The following IFT80 variants were observed in gnomAD, a reference collection of about 807,000 sequenced individuals.
IFT80 encodes intraflagellar transport 80, also known as intraflagellar transport protein 80 homolog.
Under a neutral mutation model 107.9 loss-of-function variants are expected in IFT80, and 79 were observed. That is an observed-to-expected ratio of 0.73 (90% CI 0.61 to 0.88). The LOEUF is 0.88. IFT80 is among the 40% of genes least tolerant of loss of function. The pLI is 0.00. For synonymous variants in IFT80, 299 were observed against 300.9 expected, an observed-to-expected ratio of 0.99 and a Z score of 0.07; for missense variants, 797 against 914.2, an observed-to-expected ratio of 0.87 and a Z score of 1.65.
In IFT80 at chr3:160,282,590, C is replaced by A; in HGVS notation, c.1404G>T (p.Leu468=). The A allele has an allele frequency of 6.3e-7, 1 of 1,588,026 alleles. No individual in the cohort carries two copies. The highest frequency in any genetic ancestry group is 1.1e-5 in the South Asian group (1 of 88,384). The part of the protein sequence containing the change: ...SHKNEILEIA[L]DQKGLTNDRK... The stretch of plus-strand genomic sequence containing the variant: ...TATCATTGGTAAGTCCTTTTTGATC[C>A]AGAGCAATTTCCAAGATTTCATTCT... The change falls in exon 14 of 20, where the codon CTG becomes CTT. Residue 468 remains leucine (L), a synonymous_variant. Transcript: ENST00000326448.
chr3:160,315,594 C>T (rs1161183214), intron 9 of IFT80, among the ~76,000 whole-genome samples: 2 of 152,076 alleles, frequency 1.3e-5, no homozygotes, highest in Non-Finnish European at 2.9e-5. Context: ...TTTTATTTTC[C>T]TTTCACACTC....
rs185785688 is a variant in IFT80, at chr3:160,387,281, G to T, written c.-46-2635C>A. 3.3e-3 allele frequency among the ~76,000 whole-genome samples: 504 copies of T among 152,278 alleles called. 5 individuals are homozygous for T. Among genetic ancestry groups the T allele is most frequent in the African/African-American group, 0.012 (490 of 41,560 alleles). On this transcript the variant is annotated intron_variant, in intron 1 of 19. Coordinates refer to ENST00000326448, the MANE Select transcript of IFT80 (RefSeq NM_020800.3). ...AGCACTTTGGGAGGCCGAGGCAGGCGGATCACGAGGTGAGGAGTTCGAGAC... is the reference window on the plus strand; with the variant it reads ...AGCACTTTGGGAGGCCGAGGCAGGCTGATCACGAGGTGAGGAGTTCGAGAC...
chr3:160,359,970 G>A (rs577025414), intron 6 of IFT80, among the ~76,000 whole-genome samples: 11 of 152,276 alleles, frequency 7.2e-5, no homozygotes, highest in South Asian at 4.1e-4. Flanking sequence ...GCAGCTCCTC[G>A]CCAGCAATGG....
intron 9 of IFT80, among the ~76,000 whole-genome samples, chr3:160,309,515 G>A (rs1717073828): frequency 1.3e-5 from 2 of 152,056 alleles, no homozygotes; most frequent in Admixed American, 1.3e-4. Flanking sequence ...GTGAAACCCT[G>A]TCTCTACTAA....
At chr3:160,289,693 G>C (rs1715381229) in intron 12 of IFT80, among the ~76,000 whole-genome samples, 1 of 152,172 alleles carries the variant, frequency 6.6e-6, no homozygotes, top group Admixed American at 6.5e-5. Context: ...TTGGAAAGCA[G>C]AAAGGCAAAG....
intron 12 of IFT80, among the ~76,000 whole-genome samples, chr3:160,295,524 T>C (rs901707700): frequency 8.5e-5 from 13 of 152,074 alleles, no homozygotes; most frequent in African/African-American, 2.9e-4. Context: ...GGAGGATCAC[T>C]TGAGCCCACG....
chr3:160,392,989 T>C lies in IFT80; in HGVS notation c.-47+6157A>G, dbSNP rs180821095. Among the ~76,000 whole-genome samples, 243 of 152,290 alleles carry C rather than the reference T, an allele frequency of 1.6e-3. 2 individuals carry two copies. Among genetic ancestry groups the C allele is most frequent in the Non-Finnish European group, 2.7e-3 (181 of 68,018 alleles). ...GGGAAGGCTGAAGCAGGAGGACTGC[T>C]TGAGCACAGGAGCTTAAAGTTACAG... On this transcript the variant is annotated intron_variant, in intron 1 of 19. Transcript: ENST00000326448.
At chr3:160,361,174 T>A (rs1721463194) in intron 6 of IFT80, among the ~76,000 whole-genome samples, 1 of 151,978 alleles carries the variant, frequency 6.6e-6, no homozygotes, top group African/African-American at 2.4e-5. Context: ...AATAAAGGGA[T>A]GGAGGAAGAT....
At chr3:160,344,312 T>G (rs372342462) in intron 8 of IFT80, among the ~76,000 whole-genome samples, 1 of 152,188 alleles carries the variant, frequency 6.6e-6, no homozygotes, top group African/African-American at 2.4e-5. Flanking sequence ...CCTTTGGCTC[T>G]TTGAGCATAT....
chr3:160,291,105 C>T (rs139762901), intron 12 of IFT80, among the ~76,000 whole-genome samples: 4 of 152,182 alleles, frequency 2.6e-5, no homozygotes, highest in Non-Finnish European at 4.4e-5. Context: ...TATACAAAAA[C>T]GCTGGGTAGA....
chr3:160,359,100 GA>G (rs1721307488), intron 6 of IFT80, among the ~76,000 whole-genome samples: 1 of 152,130 alleles, frequency 6.6e-6, no homozygotes, highest in Non-Finnish European at 1.5e-5. Context: ...ATCCTAATTT[GA>G]ATATGTTTTT....
At chr3:160,307,470 C>A (rs1273402811) in intron 10 of IFT80, among the ~76,000 whole-genome samples, 193 bp downstream of exon 10, 1 of 152,186 alleles carries the variant, frequency 6.6e-6, no homozygotes, top group East Asian at 1.9e-4. Context: ...TGTTGATGTA[C>A]AAACCTCGTT....
At chr3:160,381,251 T>TATATATATATATATATATATAC (rs1712478262) in intron 3 of IFT80, among the ~76,000 whole-genome samples, 2 of 135,806 alleles carry the variant, frequency 1.5e-5, no homozygotes, top group Non-Finnish European at 3.2e-5. Flanking sequence ...TATATATATA[T>TATATATATATATATATATATAC]ATATATATAT....
intron 1 of IFT80, chr3:160,391,412 C>T (rs1271599334): frequency 6.6e-6 from 1 of 152,288 alleles, no homozygotes; most frequent in African/African-American, 2.4e-5. Flanking sequence ...GTGGCTCACG[C>T]CTGTAATCCC....
At chr3:160,365,412 C>A (rs1559963005) in intron 6 of IFT80, among the ~76,000 whole-genome samples, 1 of 152,096 alleles carries the variant, frequency 6.6e-6, no homozygotes, top group Non-Finnish European at 1.5e-5. Context: ...TGTGAAAACA[C>A]TTCTATGCCT....
Position 160,288,242 on chromosome 3 carries a change from A to G in IFT80, c.1316-2374T>C, listed in dbSNP as rs542927298. On this transcript the variant is annotated intron_variant, in intron 12 of 19. Transcript: ENST00000326448. ...CAGCTACTCAGGAGGCTGAGGCAGG[A>G]GAATGGCGTGAACCCGGGAGGCGGA... Among the ~76,000 whole-genome samples the G allele has an allele frequency of 2.0e-5, 3 of 152,330 alleles. No individual in the cohort carries two copies. The South Asian group carries it at 6.2e-4, about 32-fold the overall frequency.
intron 14 of IFT80, among the ~76,000 whole-genome samples, chr3:160,282,204 C>A (rs1314324500): frequency 6.6e-6 from 1 of 152,096 alleles, no homozygotes; most frequent in Non-Finnish European, 1.5e-5. Context: ...TCACTTGAGC[C>A]CAGGAAGCGG....
chr3:160,384,301 C>T (rs1344281850), intron 2 of IFT80: 2 of 783,866 alleles, frequency 2.6e-6, no homozygotes, highest in Non-Finnish European at 3.2e-6. Context: ...ACAAAAACTG[C>T]TTTTTAAGTA....
intron 8 of IFT80, among the ~76,000 whole-genome samples, chr3:160,346,716 G>C (rs777417503): frequency 7.3e-5 from 11 of 151,636 alleles, no homozygotes; most frequent in Non-Finnish European, 1.3e-4. Context: ...TTATCTCAGT[G>C]GTCAGCCAGA....
Sources: allele counts gnomAD v4.1 joint callset (sites outside exome capture counted in the v4.1 genomes callset), GRCh38; gene constraint gnomAD v4.1.1; transcripts MANE v1.5; gene names NCBI Gene and HGNC (gene_info 2026-07-23, HGNC 2026-07-21).